ANO5: variants seen among roughly 807,000 people sequenced by gnomAD.
ANO5 encodes the protein anoctamin 5.
In ANO5, 109 loss-of-function variants were observed where a neutral mutation model predicts 121.0. The observed-to-expected ratio is 0.90, with a 90% CI of 0.77 to 1.06. ANO5 has a LOEUF of 1.06. Ranked by LOEUF, ANO5 falls within the 50% of genes least tolerant of loss-of-function variation. The pLI, the probability that ANO5 is intolerant of heterozygous loss-of-function variation, is 0.00. For missense variants in ANO5, 1,064 were observed against 1,078.5 expected, an observed-to-expected ratio of 0.99 and a Z score of 0.19; for synonymous variants, 406 against 359.9, an observed-to-expected ratio of 1.13 and a Z score of -1.45.
At chr11:22,241,757 CTTGT>C (rs371158444) in intron 9 of ANO5, among the ~76,000 whole-genome samples, 2 of 151,856 alleles carry the variant, frequency 1.3e-5, no homozygotes, top group East Asian at 3.9e-4. Context: ...TGCTTGTTGA[CTTGT>C]TTGAGTTCCT....
rs1564909951 is a variant in ANO5, at chr11:22,203,814, C to A, written c.51C>A (p.Val17=). Residue 17 remains valine, a synonymous_variant, in exon 2 of 22, where the codon GTC becomes GTA. Coordinates refer to ENST00000324559, the MANE Select transcript of ANO5 (RefSeq NM_213599.3). Reference sequence around the variant, plus strand: ...TCTTATTTAATTTAGGGGAAAAAGTCAATAAGCATATAGACTACTCTTTCC... The same window carrying A: ...TCTTATTTAATTTAGGGGAAAAAGTAAATAAGCATATAGACTACTCTTTCC... The part of the protein sequence containing the change: ...LEVLAEEGEK[V]NKHIDYSFQM... 3 of 1,471,080 alleles carry A rather than the reference C, an allele frequency of 2.0e-6. No individual in the cohort carries two copies. In the Admixed American group the frequency reaches 5.1e-5, roughly 25 times the overall value. 91.1% of individuals were successfully genotyped at this position (1,471,080 alleles called of 1,614,324 possible). A position where few individuals can be genotyped will look rare whatever the true frequency, so the allele number is the denominator to read the frequency against.
chr11:22,275,679 G>A (rs114791061), intron 20 of ANO5, among the ~76,000 whole-genome samples: 4,304 of 151,910 alleles, frequency 0.028, 194 homozygotes, highest in African/African-American at 0.098. Flanking sequence ...CAAGAAGATA[G>A]AAGTGGCCTA....
At chr11:22,193,560 G>C in intron 1 of ANO5, 28 bp downstream of exon 1, 1 of 1,609,390 alleles carries the variant, frequency 6.2e-7, no homozygotes, top group Non-Finnish European at 8.5e-7. Context: ...GGCGTCAAGG[G>C]AGAGCCAGGC....
chr11:22,198,769 C>A (rs888789384), intron 1 of ANO5, among the ~76,000 whole-genome samples: 2 of 152,074 alleles, frequency 1.3e-5, no homozygotes, highest in Non-Finnish European at 2.9e-5. Context: ...AAAAAAAAGC[C>A]TCTCTAAGTC....
chr11:22,274,856 CA>C, intron 20 of ANO5, 109 bp downstream of exon 20: 2 of 1,327,670 alleles, frequency 1.5e-6, no homozygotes, highest in South Asian at 2.5e-5. Flanking sequence ...CTTAGGGCAA[CA>C]AAAATCCTGT....
In ANO5 at chr11:22,193,447, C is replaced by T; in HGVS notation, c.-46C>T. 3 of 1,594,796 alleles carry T rather than the reference C, an allele frequency of 1.9e-6. No homozygotes were observed. The highest frequency in any genetic ancestry group is 2.6e-6 in the Non-Finnish European group (3 of 1,171,388). ...CTCCACGTCTGTCTCAGCTGCCCCT[C>T]TCCTGCTGCCTCTCAGGCACCAGTG... On this transcript the variant is annotated 5_prime_UTR_variant, in exon 1 of 22. Coordinates refer to ENST00000324559, the MANE Select transcript of ANO5 (RefSeq NM_213599.3).
At position 22,193,214 on chromosome 11, in the gene ANO5, CGCAGG is replaced by C. The variant is rs1851701029; in HGVS notation, c.-276_-272del. On this transcript the variant is annotated 5_prime_UTR_variant, in exon 1 of 22. Transcript: ENST00000324559. ...GCGCTACCGGCTGAGGGTGGGGAAGCGCAGGGCCAAGCGCGCGAAGCAGGTTGTGG... is the reference window on the plus strand; with the variant it reads ...GCGCTACCGGCTGAGGGTGGGGAAGCGCCAAGCGCGCGAAGCAGGTTGTGG... 1 of 1,103,186 alleles carries C rather than the reference CGCAGG, an allele frequency of 9.1e-7. No homozygotes were observed. Among genetic ancestry groups the C allele is most frequent in the South Asian group, 3.0e-5 (1 of 33,588 alleles). 68.3% of individuals were successfully genotyped at this position (1,103,186 alleles called of 1,614,324 possible).
chr11:22,272,749 A>G (rs1848916071), intron 18 of ANO5, 35 bp from the exon 19 acceptor site: 1 of 1,589,272 alleles, frequency 6.3e-7, no homozygotes, highest in African/African-American at 1.3e-5. Context: ...TCTCCTTCAC[A>G]ATAATGAGTT....
intron 17 of ANO5, 36 bp from the exon 18 acceptor site, chr11:22,270,276 C>T: frequency 6.2e-7 from 1 of 1,612,920 alleles, no homozygotes; most frequent in Non-Finnish European, 8.5e-7. Context: ...TCTTTTTGGT[C>T]CTATTTCATA....
chr11:22,268,274 C>CT lies in ANO5; in HGVS notation c.1899-2028dup, dbSNP rs147615939. 3.8e-3 allele frequency among the ~76,000 whole-genome samples: 556 copies of CT among 147,624 alleles called. 1 individual carries two copies. The highest frequency in any genetic ancestry group is 0.012 in the African/African-American group (483 of 40,760). On this transcript the variant is annotated intron_variant, in intron 17 of 21. Transcript: ENST00000324559. ...TAATTGTTTCAATATAAACAGTTGA[C>CT]TTTTTTTTTTAATAATACCGAGCCT...
chr11:22,273,012 G>A (rs889774926), intron 19 of ANO5, 23 bp downstream of exon 19: 8 of 1,604,772 alleles, frequency 5.0e-6, no homozygotes, highest in Admixed American at 3.3e-5. Flanking sequence ...ATTTCGGTGG[G>A]GTGACTTTGT....
At position 22,239,626 on chromosome 11, in the gene ANO5, C is replaced by T. The variant is rs758954110; in HGVS notation, c.820C>T (p.His274Tyr). The change falls in exon 9 of 22, where the codon CAC becomes TAC. Residue 274 changes from histidine (H) to tyrosine (Y), a missense_variant. Coordinates refer to ENST00000324559, the MANE Select transcript of ANO5 (RefSeq NM_213599.3). ...TCCTACCAATGAAAGATACACACTTCACCAGAATTGGGCTCGATTTTCCTA... is the reference window on the plus strand; with the variant it reads ...TCCTACCAATGAAAGATACACACTTTACCAGAATTGGGCTCGATTTTCCTA... Reference protein sequence around the residue: ...PNPTNERYTLHQNWARFSYFY... With the variant: ...PNPTNERYTLYQNWARFSYFY... The T allele has an allele frequency of 5.0e-6, 8 of 1,612,924 alleles. No individual in the cohort carries two copies. Among genetic ancestry groups the T allele is most frequent in the African/African-American group, 1.3e-5 (1 of 74,848 alleles).
At chr11:22,232,591 T>C (rs1179016386) in intron 7 of ANO5, among the ~76,000 whole-genome samples, 3 of 151,956 alleles carry the variant, frequency 2.0e-5, no homozygotes, top group Non-Finnish European at 2.9e-5. Context: ...TGAAATTAAT[T>C]TCATATATTA....
At chr11:22,254,354 G>A (rs1318321944) in intron 12 of ANO5, among the ~76,000 whole-genome samples, 1 of 152,070 alleles carries the variant, frequency 6.6e-6, no homozygotes, top group Non-Finnish European at 1.5e-5. Context: ...AATATTGGAG[G>A]TGTTAGTATT....
intron 1 of ANO5, among the ~76,000 whole-genome samples, chr11:22,200,462 T>A (rs1851933220): frequency 6.6e-6 from 1 of 152,190 alleles, no homozygotes; most frequent in East Asian, 1.9e-4. Context: ...TCTTCCTGTT[T>A]CTTTATAGAT....
chr11:22,211,786 T>G (rs911179064), intron 3 of ANO5, among the ~76,000 whole-genome samples: 1 of 151,910 alleles, frequency 6.6e-6, no homozygotes, highest in Non-Finnish European at 1.5e-5. Context: ...TAAGGGGACC[T>G]GAAACTTTTC....
intron 16 of ANO5, 25 bp downstream of exon 16, chr11:22,262,323 G>A (rs752284254): frequency 6.2e-7 from 1 of 1,610,452 alleles, no homozygotes; most frequent in Non-Finnish European, 8.5e-7. Flanking sequence ...GAGAGTTGAG[G>A]TGTGTAGCTT....
At chr11:22,230,049 A>G (rs1564925261) in intron 7 of ANO5, among the ~76,000 whole-genome samples, 1 of 151,976 alleles carries the variant, frequency 6.6e-6, no homozygotes, top group East Asian at 1.9e-4. Context: ...TATATGTGAT[A>G]TGTTTGTTTA....
At chr11:22,201,815 A>T (rs1027579932) in intron 1 of ANO5, among the ~76,000 whole-genome samples, 1 of 152,154 alleles carries the variant, frequency 6.6e-6, no homozygotes, top group Non-Finnish European at 1.5e-5. Context: ...AGCACTCATG[A>T]CCTAATCACC....
Sources: allele counts gnomAD v4.1 joint callset (sites outside exome capture counted in the v4.1 genomes callset), GRCh38; gene constraint gnomAD v4.1.1; transcripts MANE v1.5; gene names NCBI Gene and HGNC (gene_info 2026-07-23, HGNC 2026-07-21).